Variants in TBCD observed in about 807,000 individuals in gnomAD.
TBCD encodes the protein tubulin-specific chaperone D.
In TBCD, 105 loss-of-function variants were observed where a neutral mutation model predicts 169.3. The ratio of observed to expected loss-of-function variants is 0.62; its 90% CI spans 0.53 to 0.73. The LOEUF (loss-of-function observed/expected upper bound fraction) is 0.73. TBCD is among the 30% of genes least tolerant of loss of function. The pLI, the probability that TBCD is intolerant of heterozygous loss-of-function variation, is 0.00. For synonymous variants in TBCD, 700 were observed against 643.9 expected (o/e 1.09, Z -1.32); for missense variants, 1,444 against 1,600.1 (o/e 0.90, Z 1.66).
chr17:82,817,773 G>T (rs1021944999), intron 13 of TBCD, among the ~76,000 whole-genome samples: 7 of 152,152 alleles, frequency 4.6e-5, no homozygotes, highest in Admixed American at 2.0e-4. Flanking sequence ...ATTTGACCCA[G>T]GTTTTAAATT....
rs928495537 is a variant in TBCD at position 82,830,717 on chromosome 17, G to C, written c.1318+15783G>C. On this transcript the variant is annotated intron_variant, in intron 13 of 38. Coordinates refer to ENST00000355528, the MANE Select transcript of TBCD (RefSeq NM_005993.5). The stretch of plus-strand genomic sequence containing the variant: ...GCGGTTTCCGCCTGGGGGCTGCCTT[G>C]GTACGTGGGTTCGTGGGTGGCTGCC... 11 of 1,614,026 alleles carry C rather than the reference G, an allele frequency of 6.8e-6. No individual in the cohort carries two copies. The Admixed American group carries it at 1.3e-4, about 20-fold the overall frequency.
rs2060417469 is a variant in TBCD, at chr17:82,908,721, A to C, written c.1984-564A>C. ...AGGTGGCCCCGGGCAGCAGCCATGA[A>C]CGTGGCCTCCCCACTGACGCTGAGC... On this transcript the variant is annotated intron_variant, in intron 21 of 38. Transcript: ENST00000355528. Among the ~76,000 whole-genome samples the C allele has an allele frequency of 3.3e-5, 5 of 152,178 alleles. No individual in the cohort carries two copies. The South Asian group carries it at 1.0e-3, about 32-fold the overall frequency.
chr17:82,897,248 G>A lies in TBCD; in HGVS notation c.1650-3403G>A, dbSNP rs143663279. Among the ~76,000 whole-genome samples, 566 of 152,024 alleles carry A rather than the reference G, an allele frequency of 3.7e-3. 7 individuals are homozygous for A. The highest frequency in any genetic ancestry group is 0.013 in the African/African-American group (542 of 41,462). Reference sequence around the variant, plus strand: ...AAAAAATCAGCTTTGGGCCGGGTGCGGTGGCTCACACCTGTAATGCCAGCA... The same window carrying A: ...AAAAAATCAGCTTTGGGCCGGGTGCAGTGGCTCACACCTGTAATGCCAGCA... On this transcript the variant is annotated intron_variant, in intron 17 of 38. Transcript: ENST00000355528.
intron 13 of TBCD, among the ~76,000 whole-genome samples, chr17:82,817,629 A>G (rs1038358525): frequency 6.6e-6 from 1 of 152,034 alleles, no homozygotes; most frequent in Non-Finnish European, 1.5e-5. Context: ...AGTTTTTTGT[A>G]GAGATGGGGG....
At chr17:82,888,729 G>C (rs1405352549) in intron 15 of TBCD, among the ~76,000 whole-genome samples, 1 of 152,186 alleles carries the variant, frequency 6.6e-6, no homozygotes, top group Non-Finnish European at 1.5e-5. Context: ...GGCTGTGTTC[G>C]GCTCCTTACT....
intron 15 of TBCD, among the ~76,000 whole-genome samples, chr17:82,887,183 G>T (rs940617354): frequency 1.5e-5 from 2 of 131,978 alleles, no homozygotes; most frequent in South Asian, 2.6e-4. Flanking sequence ...GCGCGCGCAC[G>T]TGCGCTCACG....
intron 2 of TBCD, among the ~76,000 whole-genome samples, chr17:82,760,785 C>A (rs1230492720): frequency 6.6e-6 from 1 of 152,220 alleles, no homozygotes; most frequent in African/African-American, 2.4e-5. Flanking sequence ...ATCAACAATT[C>A]CTTCCCATTC....
rs2063416215 is a variant in TBCD at position 82,942,584 on chromosome 17, T to C, written c.*121T>C. On this transcript the variant is annotated 3_prime_UTR_variant, in exon 39 of 39. Coordinates refer to ENST00000355528, the MANE Select transcript of TBCD (RefSeq NM_005993.5). ...AGCTGTTGAAGGGTAGCGCTGGCCCTTGGAGGCTGGCACTAGCTGACAGCT... is the reference window on the plus strand; with the variant it reads ...AGCTGTTGAAGGGTAGCGCTGGCCCCTGGAGGCTGGCACTAGCTGACAGCT... 1.4e-6 allele frequency: 2 copies of C among 1,401,634 alleles called. No homozygotes were observed. Among genetic ancestry groups the C allele is most frequent in the Admixed American group, 1.9e-5 (1 of 51,508 alleles). The allele number at this position is 1,401,634 out of a possible 1,614,324, so 86.8% of individuals were successfully genotyped here.
chr17:82,914,660 G>A (rs1225931473), intron 23 of TBCD, among the ~76,000 whole-genome samples: 1 of 152,188 alleles, frequency 6.6e-6, no homozygotes, highest in Non-Finnish European at 1.5e-5. Flanking sequence ...GCACTCCCCA[G>A]CCGTGACCTC....
At position 82,795,695 on chromosome 17, in the gene TBCD, C is replaced by T. The variant is rs539075755; in HGVS notation, c.772-2062C>T. ...GTGACAGCCGCACTCTTGCGTGGAT[C>T]GATTCTGTGGCCTCGCAGGGTGGGG... On this transcript the variant is annotated intron_variant, in intron 7 of 38. Coordinates refer to ENST00000355528, the MANE Select transcript of TBCD (RefSeq NM_005993.5). 295 of 783,396 alleles carry T rather than the reference C, an allele frequency of 3.8e-4. 1 individual carries two copies. The African/African-American group carries it at 5.2e-3, about 14-fold the overall frequency. The allele number at this position is 783,396 out of a possible 1,614,324, so 48.5% of individuals were successfully genotyped here.
rs551288345 is a variant in TBCD, at chr17:82,806,982, C to G, written c.1088-626C>G. Among the ~76,000 whole-genome samples, 131 of 152,358 alleles carry G rather than the reference C, an allele frequency of 8.6e-4. No individual in the cohort carries two copies. In the South Asian group the frequency reaches 0.025, roughly 30 times the overall value. On this transcript the variant is annotated intron_variant, in intron 10 of 38. Transcript: ENST00000355528. This position sits in a 1 kb window ranked among gnomAD's most constrained non-coding sequence, Gnocchi z 5.1. ...CTCCCACCCGCTGCAGGCAGTCCCCCCTGCCCGCATTCCAGCTGCTGTGCT... is the reference window on the plus strand; with the variant it reads ...CTCCCACCCGCTGCAGGCAGTCCCCGCTGCCCGCATTCCAGCTGCTGTGCT...
At chr17:82,936,355 C>T (rs1254467991) in intron 34 of TBCD, among the ~76,000 whole-genome samples, 3 of 152,090 alleles carry the variant, frequency 2.0e-5, no homozygotes, top group South Asian at 4.1e-4. Context: ...CTGCTTGTAG[C>T]GCTTTCCGCT....
intron 14 of TBCD, among the ~76,000 whole-genome samples, chr17:82,872,953 T>TGGTGG (rs1567932426): frequency 7.0e-5 from 10 of 143,218 alleles, no homozygotes; most frequent in African/African-American, 2.8e-4. Flanking sequence ...GCCCGGCACC[T>TGGTGG]CGTGGCCGAC....
At chr17:82,885,242 C>T (rs962909307) in intron 15 of TBCD, among the ~76,000 whole-genome samples, 8 of 152,060 alleles carry the variant, frequency 5.3e-5, no homozygotes, top group Non-Finnish European at 1.0e-4. Flanking sequence ...GTGATGGTTT[C>T]CTGTCAGCCC....
chr17:82,827,210 C>T (rs2052930154), intron 13 of TBCD, among the ~76,000 whole-genome samples: 1 of 152,240 alleles, frequency 6.6e-6, no homozygotes, highest in Admixed American at 6.5e-5. Flanking sequence ...CCTCTGTGCT[C>T]TGTCACTGAG....
At chr17:82,792,755 C>G (rs2049835953) in intron 7 of TBCD, among the ~76,000 whole-genome samples, 1 of 152,190 alleles carries the variant, frequency 6.6e-6, no homozygotes, top group African/African-American at 2.4e-5. Flanking sequence ...AAGATAAAAG[C>G]TAGATGTGAT....
intron 13 of TBCD, among the ~76,000 whole-genome samples, chr17:82,869,452 G>A (rs995818223): frequency 1.1e-4 from 16 of 152,130 alleles, no homozygotes; most frequent in African/African-American, 3.9e-4. Context: ...CCTGGGAGGT[G>A]GAAGGTGCAG....
chr17:82,892,231 A>G (rs182103459), intron 16 of TBCD, among the ~76,000 whole-genome samples: 146 of 151,250 alleles, frequency 9.7e-4, no homozygotes, highest in Non-Finnish European at 1.8e-3. Flanking sequence ...GTCCTGGGCC[A>G]CCCCGGATGT....
chr17:82,867,570 G>A (rs4986121), intron 13 of TBCD, among the ~76,000 whole-genome samples: 151,385 of 152,340 alleles, frequency 0.99, 75,225 homozygotes, highest in East Asian at 1. Context: ...CGTGAGCAGT[G>A]CGAGAAGGCT....
Sources: gnomAD v4.1 joint callset for allele counts (sites outside exome capture counted in the v4.1 genomes callset) on GRCh38, gnomAD v4.1.1 for gene constraint, Gnocchi (gnomAD v3.1) non-coding constraint, MANE v1.5 for transcripts, NCBI Gene and HGNC (gene_info 2026-07-23, HGNC 2026-07-21) for gene names.